ATRNL1: variants seen among roughly 807,000 people sequenced by gnomAD.
ATRNL1 encodes the protein attractin-like protein 1.
ATRNL1 carries 95 observed loss-of-function variants against 182.7 expected under a neutral mutation model. The observed-to-expected ratio is 0.52, with a 90% confidence interval of 0.44 to 0.62. ATRNL1 has a LOEUF of 0.62. Ranked by LOEUF, ATRNL1 falls within the 20% of genes least tolerant of loss-of-function variation. The probability of loss-of-function intolerance (pLI) is 0.00; values close to 1 mark genes in which losing one functional copy is unlikely to be tolerated. For synonymous variants in ATRNL1, 576 were observed against 568.3 expected (o/e 1.01, Z -0.19); for missense variants, 1,471 against 1,679.5 (o/e 0.88, Z 2.17).
rs149167399 is a variant in ATRNL1 at position 115,214,041 on chromosome 10, T to TACACACACACACACAC, written c.1349-1644_1349-1629dup. 4.0e-3 allele frequency among the ~76,000 whole-genome samples: 594 copies of TACACACACACACACAC among 147,188 alleles called. 3 individuals are homozygous for TACACACACACACACAC. The highest frequency in any genetic ancestry group is 6.2e-3 in the Non-Finnish European group (415 of 66,702). On this transcript the variant is annotated intron_variant, in intron 8 of 28. Transcript: ENST00000355044. ...ACATAGTATTTTTAGTACAAATATGTACACACACACACACACACACACACA... is the reference window on the plus strand; with the variant it reads ...ACATAGTATTTTTAGTACAAATATGTACACACACACACACACACACACACACACACACACACACACA...
At chr10:115,464,953 T>C (rs1170589299) in intron 22 of ATRNL1, among the ~76,000 whole-genome samples, 2 of 151,726 alleles carry the variant, frequency 1.3e-5, no homozygotes, top group Non-Finnish European at 3.0e-5. Flanking sequence ...CTATACCTAA[T>C]AACGATAACA....
At chr10:115,930,980 A>G (rs780398298) in intron 28 of ATRNL1, among the ~76,000 whole-genome samples, 5 of 152,226 alleles carry the variant, frequency 3.3e-5, no homozygotes, top group Non-Finnish European at 5.9e-5. Flanking sequence ...ATAATTAATT[A>G]AAATATGCAG....
At chr10:115,367,820 G>C (rs527745081) in intron 19 of ATRNL1, among the ~76,000 whole-genome samples, 1,510 of 145,034 alleles carry the variant, frequency 0.01, 25 homozygotes, top group African/African-American at 0.036. Context: ...GTGCCTCCCA[G>C]TTAGGCTGCT....
At chr10:115,930,620 G>C (rs781966315) in intron 28 of ATRNL1, among the ~76,000 whole-genome samples, 1 of 152,290 alleles carries the variant, frequency 6.6e-6, no homozygotes, top group Non-Finnish European at 1.5e-5. Context: ...CAAAGATATA[G>C]CCACATTTTA....
chr10:115,525,302 A>G (rs1206706262), intron 25 of ATRNL1, among the ~76,000 whole-genome samples: 2 of 152,198 alleles, frequency 1.3e-5, no homozygotes, highest in Admixed American at 6.5e-5. Flanking sequence ...CCCCCTTGGC[A>G]GTTCGTCCAA....
intron 8 of ATRNL1, among the ~76,000 whole-genome samples, chr10:115,214,755 C>T (rs533978880): frequency 2.6e-5 from 4 of 152,084 alleles, no homozygotes; most frequent in Middle Eastern, 3.4e-3. Flanking sequence ...GTGGGTTTTT[C>T]GTATGCATTT....
At chr10:115,907,127 G>A (rs983948295) in intron 28 of ATRNL1, among the ~76,000 whole-genome samples, 8 of 152,142 alleles carry the variant, frequency 5.3e-5, no homozygotes, top group Admixed American at 6.5e-5. Flanking sequence ...ACAGTTACAC[G>A]TCTTCTAAGT....
chr10:115,714,546 G>GAT (rs1947189056), intron 26 of ATRNL1, among the ~76,000 whole-genome samples: 3 of 152,110 alleles, frequency 2.0e-5, no homozygotes, highest in Non-Finnish European at 4.4e-5. Flanking sequence ...CTATCTCAAT[G>GAT]ATATTATGTT....
At chr10:115,494,203 G>A (rs1849438082) in intron 24 of ATRNL1, among the ~76,000 whole-genome samples, 1 of 152,128 alleles carries the variant, frequency 6.6e-6, no homozygotes, top group Non-Finnish European at 1.5e-5. Context: ...AAACTTTGCT[G>A]ATGTTGTTTA....
At chr10:115,738,127 T>C (rs914046862) in intron 27 of ATRNL1, among the ~76,000 whole-genome samples, 4 of 22,644 alleles carry the variant, frequency 1.8e-4, no homozygotes, top group Admixed American at 5.3e-4. Flanking sequence ...AAGATAATGA[T>C]TTTTTTTTTT....
intron 28 of ATRNL1, among the ~76,000 whole-genome samples, chr10:115,876,595 G>T (rs1162568355): frequency 1.1e-4 from 16 of 152,124 alleles, no homozygotes; most frequent in Non-Finnish European, 2.4e-4. Context: ...TTGGGAAAGG[G>T]TTAAGGGATT....
intron 18 of ATRNL1, among the ~76,000 whole-genome samples, chr10:115,317,856 C>T (rs1364773647): frequency 6.6e-6 from 1 of 152,170 alleles, no homozygotes; most frequent in African/African-American, 2.4e-5. Context: ...GAAAACTTGA[C>T]TTCTTCTCTT....
At chr10:115,374,593 G>A (rs1412021651) in intron 19 of ATRNL1, among the ~76,000 whole-genome samples, 3 of 147,908 alleles carry the variant, frequency 2.0e-5, no homozygotes, top group Non-Finnish European at 3.0e-5. Flanking sequence ...ATTTGAGAAC[G>A]TTCTTCTTTT....
intron 20 of ATRNL1, among the ~76,000 whole-genome samples, chr10:115,422,766 AG>A (rs1845704272): frequency 6.6e-6 from 1 of 152,198 alleles, no homozygotes; most frequent in Non-Finnish European, 1.5e-5. Flanking sequence ...CTAACACTGA[AG>A]GAGAAAACCA....
intron 23 of ATRNL1, 73 bp from the exon 24 acceptor site, chr10:115,469,099 A>G: frequency 1.9e-6 from 1 of 533,432 alleles, no homozygotes; most frequent in Non-Finnish European, 2.9e-6. Flanking sequence ...CAATTATAAA[A>G]AACTATAATA....
At chr10:115,698,981 T>C (rs1946649804) in intron 26 of ATRNL1, among the ~76,000 whole-genome samples, 1 of 152,096 alleles carries the variant, frequency 6.6e-6, no homozygotes. Flanking sequence ...AAATAGTAAA[T>C]ATGATTTTTT....
At chr10:115,234,596 T>C (rs1282971737) in intron 9 of ATRNL1, among the ~76,000 whole-genome samples, 2 of 139,610 alleles carry the variant, frequency 1.4e-5, no homozygotes, top group Non-Finnish European at 3.0e-5. Flanking sequence ...CTTTTTCTTT[T>C]TTTTTTTTTT....
chr10:115,279,634 C>A (rs576149010), intron 13 of ATRNL1, among the ~76,000 whole-genome samples: 21 of 152,294 alleles, frequency 1.4e-4, no homozygotes, highest in African/African-American at 5.1e-4. Flanking sequence ...GATTTCTAAT[C>A]ATAGTCTCAT....
chr10:115,836,892 A>T (rs1555095628), intron 27 of ATRNL1, among the ~76,000 whole-genome samples: 6 of 152,164 alleles, frequency 3.9e-5, no homozygotes, highest in Non-Finnish European at 8.8e-5. Context: ...GCCTTAAAAG[A>T]AAACACAGTG....
Sources: allele counts gnomAD v4.1 joint callset (sites outside exome capture counted in the v4.1 genomes callset), GRCh38; gene constraint gnomAD v4.1.1; transcripts MANE v1.5; gene names NCBI Gene and HGNC (gene_info 2026-07-23, HGNC 2026-07-21).